Variants in SLCO3A1 observed in about 807,000 individuals in gnomAD.
The protein encoded by SLCO3A1 is solute carrier organic anion transporter family member 3A1.
A neutral mutation model predicts 63.1 loss-of-function variants in SLCO3A1; 27 were observed. The observed-to-expected ratio is 0.43, with a 90% CI of 0.32 to 0.59. SLCO3A1 has a LOEUF of 0.59. Among genes scored for constraint, SLCO3A1 ranks in the 20% least tolerant of loss-of-function variants. The probability of loss-of-function intolerance (pLI) is 0.09; values close to 1 mark genes in which losing one functional copy is unlikely to be tolerated. For synonymous variants in SLCO3A1, 473 were observed against 409.9 expected, an observed-to-expected ratio of 1.15 and a Z score of -1.86; for missense variants, 773 against 945.8, an observed-to-expected ratio of 0.82 and a Z score of 2.40.
chr15:92,121,172 A>G (rs966822618), intron 5 of SLCO3A1, among the ~76,000 whole-genome samples: 1 of 152,252 alleles, frequency 6.6e-6, no homozygotes. Flanking sequence ...CAGAGTTGAC[A>G]TACTAAAGAA....
chr15:92,080,797 C>T (rs1050733464), intron 2 of SLCO3A1, among the ~76,000 whole-genome samples: 3 of 152,216 alleles, frequency 2.0e-5, no homozygotes, highest in Non-Finnish European at 4.4e-5. Context: ...GGTCTGGCCA[C>T]ATTTGGTGAA....
chr15:92,165,712 A>G lies in SLCO3A1; in HGVS notation c.*2577A>G. The G allele has an allele frequency of 1.0e-6, 1 of 985,280 alleles. No individual in the cohort carries two copies. The highest frequency in any genetic ancestry group is 1.2e-6 in the Non-Finnish European group (1 of 829,790). 61.0% of individuals were successfully genotyped at this position (985,280 alleles called of 1,614,324 possible). On this transcript the variant is annotated 3_prime_UTR_variant, in exon 10 of 10. Coordinates refer to ENST00000318445, the MANE Select transcript of SLCO3A1 (RefSeq NM_013272.4). ...CTTTTAAAATTTTAATTATTCTCATATAGTACCGAACAGAAAACTCAGTCT... is the reference window on the plus strand; with the variant it reads ...CTTTTAAAATTTTAATTATTCTCATGTAGTACCGAACAGAAAACTCAGTCT...
rs1897025184 is a variant in SLCO3A1 at position 91,860,628 on chromosome 15, G to A, written c.180+6540G>A. On this transcript the variant is annotated intron_variant, in intron 1 of 9. Transcript: ENST00000318445. The surrounding 1 kb of genome is among the most constrained non-coding windows in gnomAD (Gnocchi z 5.5). ...GCTCTGCTTCACTGGCTGAAAGGCT[G>A]AGTGACCAATTCAAGGGAGCCCGAG... Among the ~76,000 whole-genome samples the A allele has an allele frequency of 1.3e-5, 2 of 152,214 alleles. No individual in the cohort carries two copies. The highest frequency in any genetic ancestry group is 1.5e-5 in the Non-Finnish European group (1 of 68,042).
intron 2 of SLCO3A1, among the ~76,000 whole-genome samples, chr15:91,989,049 T>C (rs947126735): frequency 6.6e-6 from 1 of 152,178 alleles, no homozygotes; most frequent in African/African-American, 2.4e-5. Context: ...ACCTGACTCT[T>C]CTTGAATTGG....
intron 1 of SLCO3A1, among the ~76,000 whole-genome samples, chr15:91,879,369 A>T (rs1897493223): frequency 6.6e-6 from 1 of 151,946 alleles, no homozygotes; most frequent in Non-Finnish European, 1.5e-5. Context: ...CTATGGAAAC[A>T]GTGATGTCAT....
chr15:92,019,765 T>G, intron 2 of SLCO3A1, among the ~76,000 whole-genome samples: 1 of 152,092 alleles, frequency 6.6e-6, no homozygotes, highest in African/African-American at 2.4e-5. Flanking sequence ...AGCCGGTGTG[T>G]GTGTTAGATA....
downstream of SLCO3A1, among the ~76,000 whole-genome samples, chr15:92,169,991 T>A (rs1361875161): frequency 6.6e-6 from 1 of 152,224 alleles, no homozygotes; most frequent in Non-Finnish European, 1.5e-5. Flanking sequence ...TTTTGAATTT[T>A]TGTCCCGTAA....
At chr15:91,926,598 C>CGT (rs1397121799) in intron 2 of SLCO3A1, among the ~76,000 whole-genome samples, 15 of 25,604 alleles carry the variant, frequency 5.9e-4, no homozygotes, top group African/African-American at 1.8e-3. Flanking sequence ...TGTGTGTGTG[C>CGT]GCGCGCGCAC....
At chr15:92,044,080 T>A (rs2046831031) in intron 2 of SLCO3A1, among the ~76,000 whole-genome samples, 1 of 152,194 alleles carries the variant, frequency 6.6e-6, no homozygotes, top group Admixed American at 6.5e-5. Context: ...ATCTGGCAGC[T>A]TCATAGACCA....
At position 92,139,987 on chromosome 15, in the gene SLCO3A1, C is replaced by T. The variant is rs574062433; in HGVS notation, c.1513-6997C>T. 5.5e-4 allele frequency among the ~76,000 whole-genome samples: 79 copies of T among 143,232 alleles called. No individual in the cohort carries two copies. The Middle Eastern group carries it at 0.01, about 19-fold the overall frequency. The allele number at this position is 143,232 out of a possible 152,430, so 94.0% of individuals were successfully genotyped here. On this transcript the variant is annotated intron_variant, in intron 7 of 9. Transcript: ENST00000318445. Reference sequence around the variant, plus strand: ...TGTGTCTCTATTTCCTTCAGTTCTGCTCTGATTTTAGTTATTTCTTGCCTT... The same window carrying T: ...TGTGTCTCTATTTCCTTCAGTTCTGTTCTGATTTTAGTTATTTCTTGCCTT...
At chr15:91,939,468 A>T (rs1162522335) in intron 2 of SLCO3A1, among the ~76,000 whole-genome samples, 1 of 152,142 alleles carries the variant, frequency 6.6e-6, no homozygotes, top group Admixed American at 6.5e-5. Context: ...CTGCAGCAGG[A>T]GCCTCCACCT....
chr15:91,915,647 T>C (rs1847721085), intron 1 of SLCO3A1, among the ~76,000 whole-genome samples: 1 of 152,084 alleles, frequency 6.6e-6, no homozygotes, highest in Non-Finnish European at 1.5e-5. Flanking sequence ...TTCAGGACTT[T>C]TATAGGTTTT....
chr15:92,011,635 G>A (rs566736944), intron 2 of SLCO3A1, among the ~76,000 whole-genome samples: 8 of 152,284 alleles, frequency 5.3e-5, no homozygotes, highest in South Asian at 2.1e-4. Flanking sequence ...CCCCCTTGGC[G>A]CCATCAGTGC....
chr15:92,043,185 C>T (rs1012376950), intron 2 of SLCO3A1, among the ~76,000 whole-genome samples: 2 of 139,984 alleles, frequency 1.4e-5, no homozygotes, highest in South Asian at 2.4e-4. Flanking sequence ...TGACCAGAAC[C>T]AGCCTCCTAG....
intron 2 of SLCO3A1, among the ~76,000 whole-genome samples, chr15:92,077,497 C>T (rs1240555150): frequency 6.6e-6 from 1 of 152,232 alleles, no homozygotes; most frequent in African/African-American, 2.4e-5. Context: ...GCTTCAGCCA[C>T]ACCAGTGAGG....
intron 2 of SLCO3A1, among the ~76,000 whole-genome samples, chr15:91,988,043 ATT>A (rs2046077057): frequency 2.0e-5 from 3 of 152,184 alleles, no homozygotes; most frequent in African/African-American, 7.2e-5. Flanking sequence ...CTGACAGATA[ATT>A]GTGTTTTATC....
chr15:92,000,371 T>C (rs2151452326), intron 2 of SLCO3A1, among the ~76,000 whole-genome samples: 1 of 151,912 alleles, frequency 6.6e-6, no homozygotes, highest in South Asian at 2.1e-4. Flanking sequence ...AAAAGGAGGC[T>C]TTAACTCTGT....
downstream of SLCO3A1, among the ~76,000 whole-genome samples, chr15:92,169,299 G>C (rs376304406): frequency 2.0e-5 from 3 of 152,282 alleles, no homozygotes; most frequent in South Asian, 6.2e-4. Context: ...GTCTTTAAAA[G>C]CTCTCCTTAT....
intron 2 of SLCO3A1, among the ~76,000 whole-genome samples, chr15:92,091,680 G>T (rs779855034): frequency 6.6e-6 from 1 of 152,210 alleles, no homozygotes; most frequent in Non-Finnish European, 1.5e-5. Flanking sequence ...ACGCGTTGCA[G>T]GTGGTGGTTT....
Sources: gnomAD v4.1 joint callset for allele counts (sites outside exome capture counted in the v4.1 genomes callset) on GRCh38, gnomAD v4.1.1 for gene constraint, Gnocchi (gnomAD v3.1) non-coding constraint, MANE v1.5 for transcripts, NCBI Gene and HGNC (gene_info 2026-07-23, HGNC 2026-07-21) for gene names.